CYSTM1: variants seen among roughly 807,000 people sequenced by gnomAD.
CYSTM1 encodes cysteine rich transmembrane module containing 1, also known as cysteine-rich transmembrane module-containing protein 1.
Under a neutral mutation model 13.1 loss-of-function variants are expected in CYSTM1, and 4 were observed. The ratio of observed to expected loss-of-function variants is 0.31; its 90% CI spans 0.15 to 0.70. The LOEUF is 0.70. Among genes scored for constraint, CYSTM1 ranks in the 30% least tolerant of loss-of-function variants. CYSTM1 has a pLI of 0.72. For synonymous variants in CYSTM1, 36 were observed against 42.7 expected (o/e 0.84, Z 0.62); for missense variants, 96 against 121.6 (o/e 0.79, Z 0.99).
intron 1 of CYSTM1, among the ~76,000 whole-genome samples, chr5:140,179,287 G>A (rs1254553184): frequency 1.3e-5 from 2 of 149,486 alleles, no homozygotes; most frequent in Admixed American, 6.6e-5. Context: ...GGCTGGGCAC[G>A]GTGGCCCACA....
At position 140,230,097 on chromosome 5, in the gene CYSTM1, C is replaced by G. The variant is rs539813695; in HGVS notation, c.188-13208C>G. On this transcript the variant is annotated intron_variant, in intron 2 of 2. Coordinates refer to ENST00000261811, the MANE Select transcript of CYSTM1 (RefSeq NM_032412.4). The surrounding 1 kb of genome is among the most constrained non-coding windows in gnomAD (Gnocchi z 4.1). ...ATGTTGGTCAGTATGGTCTCGAACT[C>G]CTGACCTCAGGTGATCCATCCATCT... Among the ~76,000 whole-genome samples the G allele has an allele frequency of 1.3e-5, 2 of 152,324 alleles. No individual in the cohort carries two copies. Among genetic ancestry groups the G allele is most frequent in the South Asian group, 4.1e-4 (2 of 4,832 alleles).
intron 1 of CYSTM1, 27 bp from the exon 2 acceptor site, chr5:140,194,419 A>C: frequency 6.6e-7 from 1 of 1,519,582 alleles, no homozygotes; most frequent in Non-Finnish European, 8.8e-7. Context: ...TTAAATGCAA[A>C]TAATTTTCAT....
chr5:140,192,117 C>T (rs1467994431), intron 1 of CYSTM1, among the ~76,000 whole-genome samples: 1 of 152,092 alleles, frequency 6.6e-6, no homozygotes, highest in Non-Finnish European at 1.5e-5. Context: ...GAAATAGAGA[C>T]CCTCAAGCCA....
chr5:140,188,527 C>G (rs889528429), intron 1 of CYSTM1, among the ~76,000 whole-genome samples: 1 of 152,080 alleles, frequency 6.6e-6, no homozygotes, highest in Non-Finnish European at 1.5e-5. Context: ...CGCGGTGGCT[C>G]ACGCCTGTAA....
intron 1 of CYSTM1, among the ~76,000 whole-genome samples, chr5:140,183,786 G>C (rs941426532): frequency 6.6e-6 from 1 of 152,214 alleles, no homozygotes; most frequent in African/African-American, 2.4e-5. Flanking sequence ...TTTTGCAGAG[G>C]ACCATACATG....
chr5:140,212,653 T>C (rs1021461335), intron 2 of CYSTM1, among the ~76,000 whole-genome samples: 1 of 151,946 alleles, frequency 6.6e-6, no homozygotes, highest in African/African-American at 2.4e-5. Context: ...CTCCAAAATA[T>C]CAATTTAAAG....
intron 2 of CYSTM1, among the ~76,000 whole-genome samples, chr5:140,208,353 T>C (rs2337132): frequency 0.99 from 151,036 of 152,366 alleles, 74,862 homozygotes; most frequent in East Asian, 1. Flanking sequence ...ACAAACATTG[T>C]GTGTTCTCAC....
At chr5:140,190,611 T>C (rs1445268251) in intron 1 of CYSTM1, among the ~76,000 whole-genome samples, 1 of 152,184 alleles carries the variant, frequency 6.6e-6, no homozygotes, top group Non-Finnish European at 1.5e-5. Flanking sequence ...AACATTGAAA[T>C]ATATTGCTTT....
At chr5:140,205,363 TCTGA>T (rs1764287289) in intron 2 of CYSTM1, among the ~76,000 whole-genome samples, 1 of 152,230 alleles carries the variant, frequency 6.6e-6, no homozygotes, top group African/African-American at 2.4e-5. Context: ...GTCTGGCATC[TCTGA>T]CTAATTGGCT....
At chr5:140,205,566 A>T (rs1053324672) in intron 2 of CYSTM1, among the ~76,000 whole-genome samples, 1 of 152,226 alleles carries the variant, frequency 6.6e-6, no homozygotes, top group African/African-American at 2.4e-5. Context: ...ACCAAGAGCC[A>T]CATTGGCTTA....
intron 2 of CYSTM1, among the ~76,000 whole-genome samples, chr5:140,209,255 ACTTT>A (rs1764334602): frequency 6.8e-6 from 1 of 148,092 alleles, no homozygotes; most frequent in Non-Finnish European, 1.5e-5. Flanking sequence ...GACTGCTCGT[ACTTT>A]CTTTCTTTTC....
At chr5:140,188,806 A>G (rs990431374) in intron 1 of CYSTM1, among the ~76,000 whole-genome samples, 2 of 151,524 alleles carry the variant, frequency 1.3e-5, no homozygotes, top group Non-Finnish European at 2.9e-5. Flanking sequence ...AGAAATACAG[A>G]TGAGTATAAT....
chr5:140,233,675 CT>C (rs1764644978), intron 2 of CYSTM1, among the ~76,000 whole-genome samples: 1 of 152,174 alleles, frequency 6.6e-6, no homozygotes, highest in South Asian at 2.1e-4. Context: ...TTTAGCCATT[CT>C]GATTGTATGT....
At chr5:140,182,029 G>A (rs1301267518) in intron 1 of CYSTM1, among the ~76,000 whole-genome samples, 1 of 152,156 alleles carries the variant, frequency 6.6e-6, no homozygotes, top group African/African-American at 2.4e-5. Flanking sequence ...TTATCTTTAT[G>A]TCATCTGTAC....
intron 2 of CYSTM1, 86 bp from the exon 3 acceptor site, chr5:140,243,219 C>A: frequency 2.9e-6 from 3 of 1,050,384 alleles, no homozygotes; most frequent in Non-Finnish European, 4.4e-6. Flanking sequence ...CCTGGTGTAG[C>A]CTTCCTGTGG....
chr5:140,202,633 C>T (rs1284395586), intron 2 of CYSTM1: 1 of 152,172 alleles, frequency 6.6e-6, no homozygotes, highest in Non-Finnish European at 1.5e-5. Flanking sequence ...CCAATATGAT[C>T]CATCAACTTT....
chr5:140,235,684 C>T (rs927908633), intron 2 of CYSTM1, among the ~76,000 whole-genome samples: 9 of 152,154 alleles, frequency 5.9e-5, no homozygotes, highest in Admixed American at 1.3e-4. Flanking sequence ...GGATTACAGG[C>T]GTGAGCCACC....
intron 2 of CYSTM1, among the ~76,000 whole-genome samples, chr5:140,236,926 C>G (rs1764687064): frequency 6.6e-6 from 1 of 152,184 alleles, no homozygotes; most frequent in African/African-American, 2.4e-5. Flanking sequence ...CTGGAAAATG[C>G]CAAGCACTTC....
At position 140,175,860 on chromosome 5, in the gene CYSTM1, CT is replaced by C. The variant is rs1422178711; in HGVS notation, c.-21+576del. Among the ~76,000 whole-genome samples the C allele has an allele frequency of 1.3e-5, 2 of 152,150 alleles. No individual in the cohort carries two copies. The highest frequency in any genetic ancestry group is 4.8e-5 in the African/African-American group (2 of 41,440). On this transcript the variant is annotated intron_variant, in intron 1 of 2. Coordinates refer to ENST00000261811, the MANE Select transcript of CYSTM1 (RefSeq NM_032412.4). The surrounding 1 kb of genome is among the most constrained non-coding windows in gnomAD (Gnocchi z 4.9). ...TTGCGGGGGAAAGGAATCCCGGCTG[CT>C]GTTGAGAGCCGTGGATTGGGATCTG...
Sources: gnomAD v4.1 joint callset for allele counts (sites outside exome capture counted in the v4.1 genomes callset) on GRCh38, gnomAD v4.1.1 for gene constraint, Gnocchi (gnomAD v3.1) non-coding constraint, MANE v1.5 for transcripts, NCBI Gene and HGNC (gene_info 2026-07-23, HGNC 2026-07-21) for gene names.